RALYL: variants seen among roughly 807,000 people sequenced by gnomAD.
RALYL encodes RNA-binding Raly-like protein.
Under a neutral mutation model 35.1 loss-of-function variants are expected in RALYL, and 29 were observed. The observed-to-expected ratio is 0.83, with a 90% CI of 0.61 to 1.13. The LOEUF (loss-of-function observed/expected upper bound fraction) is 1.13. Ranked by LOEUF, RALYL falls within the 50% of genes most tolerant of loss-of-function variation. RALYL has a pLI of 0.00. For synonymous variants in RALYL, 120 were observed against 127.6 expected, an observed-to-expected ratio of 0.94 and a Z score of 0.40; for missense variants, 359 against 360.4, an observed-to-expected ratio of 1.00 and a Z score of 0.03.
chr8:84,316,229 T>C (rs919265195), intron 1 of RALYL, among the ~76,000 whole-genome samples: 4 of 152,134 alleles, frequency 2.6e-5, no homozygotes, highest in Non-Finnish European at 5.9e-5. Flanking sequence ...TCAGCCTAAA[T>C]CCCTCATTTG....
intron 2 of RALYL, among the ~76,000 whole-genome samples, chr8:84,583,447 A>G (rs1272874503): frequency 2.6e-5 from 4 of 152,194 alleles, no homozygotes; most frequent in Non-Finnish European, 4.4e-5. Flanking sequence ...AGTACAGCCA[A>G]GTGTATTCAA....
At chr8:84,684,451 GA>G (rs1836323098) in intron 2 of RALYL, among the ~76,000 whole-genome samples, 1 of 152,158 alleles carries the variant, frequency 6.6e-6, no homozygotes, top group South Asian at 2.1e-4. Flanking sequence ...CGACTAGCCT[GA>G]GGTAAAGCTT....
chr8:84,587,834 T>G (rs1324711335), intron 2 of RALYL, among the ~76,000 whole-genome samples: 1 of 152,152 alleles, frequency 6.6e-6, no homozygotes, highest in Admixed American at 6.5e-5. Context: ...GCTGGACACA[T>G]TCACAATAAC....
In RALYL at chr8:84,766,738, A is replaced by AC. The variant is rs1563555963; in HGVS notation, c.257-7841_257-7840insC. 4.0e-3 allele frequency among the ~76,000 whole-genome samples: 594 copies of AC among 148,554 alleles called. 7 individuals are homozygous for AC. Among genetic ancestry groups the AC allele is most frequent in the African/African-American group, 0.014 (556 of 40,752 alleles). ...ACTGTCTCAAAAAAAAAAAAAAAAA[A>AC]AAAAAAAAAACTCCCAAAACATTGT... On this transcript the variant is annotated intron_variant, in intron 2 of 8. Coordinates refer to ENST00000521268, the MANE Select transcript of RALYL (RefSeq NM_173848.7).
intron 4 of RALYL, among the ~76,000 whole-genome samples, chr8:84,847,396 C>T (rs974609843): frequency 3.9e-5 from 6 of 152,190 alleles, no homozygotes; most frequent in African/African-American, 9.6e-5. Context: ...TCTTCAGCCT[C>T]AGTTACTGTG....
chr8:84,713,664 AAC>A (rs1842531178), intron 2 of RALYL, among the ~76,000 whole-genome samples: 1 of 151,932 alleles, frequency 6.6e-6, no homozygotes, highest in Admixed American at 6.6e-5. Flanking sequence ...CATTATGGAA[AAC>A]AGTGTGAAGT....
At chr8:84,747,926 C>G (rs1157401598) in intron 2 of RALYL, among the ~76,000 whole-genome samples, 2 of 151,906 alleles carry the variant, frequency 1.3e-5, no homozygotes, top group Admixed American at 6.6e-5. Flanking sequence ...TACCCTGAAA[C>G]TTTTTGTAGT....
Position 84,766,904 on chromosome 8 carries a change from G to A in RALYL, c.257-7675G>A, listed in dbSNP as rs12543198. Among the ~76,000 whole-genome samples, 188 of 152,162 alleles carry A rather than the reference G, an allele frequency of 1.2e-3. No homozygotes were observed. The East Asian group carries it at 0.019, about 15-fold the overall frequency. On this transcript the variant is annotated intron_variant, in intron 2 of 8. Coordinates refer to ENST00000521268, the MANE Select transcript of RALYL (RefSeq NM_173848.7). ...GCATCTATTGCATAAACAACAGTGC[G>A]TGGGGTGCTGAAGGGCATAAGAAAC...
chr8:84,256,421 A>G (rs763324892), intron 1 of RALYL, among the ~76,000 whole-genome samples: 3 of 152,112 alleles, frequency 2.0e-5, no homozygotes, highest in Admixed American at 6.6e-5. Context: ...GGGGCTTCCT[A>G]TGTACCAACT....
chr8:84,458,674 G>T (rs1429411164), intron 1 of RALYL, among the ~76,000 whole-genome samples: 1 of 151,712 alleles, frequency 6.6e-6, no homozygotes, highest in Non-Finnish European at 1.5e-5. Context: ...GTAAATCAAA[G>T]TTGGAACCTA....
At chr8:84,838,321 C>G (rs1048894521) in intron 4 of RALYL, among the ~76,000 whole-genome samples, 3 of 152,088 alleles carry the variant, frequency 2.0e-5, no homozygotes, top group Non-Finnish European at 4.4e-5. Context: ...AGGATCCCCT[C>G]CCCCACAAAA....
intron 3 of RALYL, among the ~76,000 whole-genome samples, chr8:84,803,182 T>C (rs1823760564): frequency 6.6e-6 from 1 of 152,088 alleles, no homozygotes; most frequent in Non-Finnish European, 1.5e-5. Flanking sequence ...TATTGGCAAA[T>C]ACAGAGAGAA....
intron 1 of RALYL, among the ~76,000 whole-genome samples, chr8:84,443,684 A>T (rs1480594522): frequency 6.6e-6 from 1 of 152,064 alleles, no homozygotes; most frequent in East Asian, 1.9e-4. Flanking sequence ...CAGCTGGCCT[A>T]ATTCTATGTA....
intron 1 of RALYL, among the ~76,000 whole-genome samples, chr8:84,423,191 T>C (rs2045888777): frequency 6.6e-6 from 1 of 151,430 alleles, no homozygotes; most frequent in African/African-American, 2.5e-5. Flanking sequence ...TCTAAGTCTC[T>C]TTGTAGGTCA....
intron 8 of RALYL, among the ~76,000 whole-genome samples, chr8:84,890,557 T>C (rs376313481): frequency 3.3e-5 from 5 of 152,206 alleles, no homozygotes; most frequent in South Asian, 2.1e-4. Context: ...TAGAGAACTT[T>C]GTAAAAACGC....
rs56182727 is a variant in RALYL at position 84,562,233 on chromosome 8, T to C, written c.256+32656T>C. On this transcript the variant is annotated intron_variant, in intron 2 of 8. Transcript: ENST00000521268. ...CCTCATCCCTGACTGATATTTATTT[T>C]AATTGCATGTGATCTTACTCATTAT... Among the ~76,000 whole-genome samples, 562 of 152,082 alleles carry C rather than the reference T, an allele frequency of 3.7e-3. 7 individuals carry two copies. The highest frequency in any genetic ancestry group is 0.013 in the African/African-American group (540 of 41,536).
At chr8:84,725,115 C>G (rs1844696253) in intron 2 of RALYL, among the ~76,000 whole-genome samples, 1 of 151,406 alleles carries the variant, frequency 6.6e-6, no homozygotes, top group Admixed American at 6.6e-5. Context: ...CTAAGATCTG[C>G]CTAAATCAAT....
intron 2 of RALYL, among the ~76,000 whole-genome samples, chr8:84,577,057 G>A (rs1278482281): frequency 6.6e-6 from 1 of 152,212 alleles, no homozygotes; most frequent in Non-Finnish European, 1.5e-5. Context: ...TTTCCCAGAA[G>A]TGATACCAAC....
intron 1 of RALYL, among the ~76,000 whole-genome samples, chr8:84,212,724 A>G (rs1294755458): frequency 1.3e-5 from 2 of 152,142 alleles, no homozygotes; most frequent in East Asian, 1.9e-4. Flanking sequence ...GATAATTTCA[A>G]TATTTCCCTA....
Sources: gnomAD v4.1 joint callset for allele counts (sites outside exome capture counted in the v4.1 genomes callset) on GRCh38, gnomAD v4.1.1 for gene constraint, MANE v1.5 for transcripts, NCBI Gene and HGNC (gene_info 2026-07-23, HGNC 2026-07-21) for gene names.